APBB2: variants seen among roughly 807,000 people sequenced by gnomAD.
The protein encoded by APBB2 is amyloid beta precursor protein binding family B member 2.
Under a neutral mutation model 82.5 loss-of-function variants are expected in APBB2, and 38 were observed. That is an observed-to-expected ratio of 0.46 (90% CI 0.36 to 0.60). The LOEUF (loss-of-function observed/expected upper bound fraction) is 0.60, where lower values mean the gene tolerates loss of function less well. Ranked by LOEUF, APBB2 falls within the 20% of genes least tolerant of loss-of-function variation. The pLI is 0.00. For synonymous variants in APBB2, 341 were observed against 368.2 expected (o/e 0.93, Z 0.85); for missense variants, 772 against 972.3 (o/e 0.79, Z 2.74).
intron 5 of APBB2, 96 bp from the exon 6 acceptor site, chr4:41,014,494 A>C: frequency 1.8e-6 from 2 of 1,127,298 alleles, no homozygotes; most frequent in Non-Finnish European, 2.6e-6. Context: ...AAAAGAAGAA[A>C]TGCTTCCACT....
In APBB2 at chr4:40,860,776, C is replaced by T. The variant is rs144118235; in HGVS notation, c.1529+29588G>A. 1.6e-3 allele frequency among the ~76,000 whole-genome samples: 244 copies of T among 152,256 alleles called. 2 individuals carry two copies. The East Asian group carries it at 0.022, about 14-fold the overall frequency. Reference sequence around the variant, plus strand: ...CCACTATTGATTAAATTTAATGTTACTATTTTTTAACCGATTTTTTTATAT... The same window carrying T: ...CCACTATTGATTAAATTTAATGTTATTATTTTTTAACCGATTTTTTTATAT... On this transcript the variant is annotated intron_variant, in intron 12 of 17. Coordinates refer to ENST00000508593, the MANE Select transcript of APBB2 (RefSeq NM_004307.2).
intron 10 of APBB2, among the ~76,000 whole-genome samples, chr4:40,918,572 C>G (rs1330663840): frequency 6.6e-6 from 1 of 152,208 alleles, no homozygotes; most frequent in Non-Finnish European, 1.5e-5. Context: ...GTCACTCTCT[C>G]AATAACAACA....
At chr4:40,840,091 C>A (rs1163272734) in intron 12 of APBB2, among the ~76,000 whole-genome samples, 1 of 152,196 alleles carries the variant, frequency 6.6e-6, no homozygotes, top group African/African-American at 2.4e-5. Context: ...AGGGCAGGTC[C>A]CATCTGCAAA....
At chr4:41,044,470 T>C (rs145050450) in intron 4 of APBB2, among the ~76,000 whole-genome samples, 1 of 152,220 alleles carries the variant, frequency 6.6e-6, no homozygotes, top group African/African-American at 2.4e-5. Flanking sequence ...TCATCTTACA[T>C]CTTTCCAGTT....
chr4:41,059,529 C>T (rs1018738466), intron 4 of APBB2, among the ~76,000 whole-genome samples: 13 of 152,252 alleles, frequency 8.5e-5, no homozygotes, highest in Admixed American at 2.0e-4. Flanking sequence ...CGAATGAGGG[C>T]AAGGAACACC....
chr4:41,170,886 T>G (rs1428233969), intron 1 of APBB2, among the ~76,000 whole-genome samples: 1 of 152,170 alleles, frequency 6.6e-6, no homozygotes, highest in African/African-American at 2.4e-5. Flanking sequence ...AATGAAAAAT[T>G]GAAAACTATA....
chr4:40,945,000 A>G lies in APBB2; in HGVS notation c.909T>C (p.Ile303=), dbSNP rs2154380593. Residue 303 remains isoleucine, a synonymous_variant, in exon 7 of 18, where the codon ATT becomes ATC. Transcript: ENST00000508593. The stretch of plus-strand genomic sequence containing the variant: ...GGATGTGCCAATAATAGGTCCCGGC[A>G]ATGTCACTGACTCTTTTCCAGCCAG... The part of the protein sequence containing the change: ...LPPGWKRVSD[I]AGTYYWHIPT... 1 of 1,607,058 alleles carries G rather than the reference A, an allele frequency of 6.2e-7. No homozygotes were observed. The highest frequency in any genetic ancestry group is 1.1e-5 in the South Asian group (1 of 90,868).
intron 3 of APBB2, among the ~76,000 whole-genome samples, chr4:41,082,013 AG>A (rs1490605549): frequency 2.0e-5 from 3 of 152,218 alleles, no homozygotes; most frequent in African/African-American, 7.2e-5. Context: ...TACTGGCAAC[AG>A]GGAACTTAGT....
chr4:40,913,944 T>TGTTATTG, intron 10 of APBB2, among the ~76,000 whole-genome samples: 1 of 151,994 alleles, frequency 6.6e-6, no homozygotes, highest in Admixed American at 6.6e-5. Context: ...TAACATACAC[T>TGTTATTG]AAATAAGGGG....
intron 3 of APBB2, among the ~76,000 whole-genome samples, chr4:41,079,946 G>C (rs1736996421): frequency 6.6e-6 from 1 of 152,206 alleles, no homozygotes; most frequent in African/African-American, 2.4e-5. Flanking sequence ...GGAAATGTAA[G>C]CAGCTTGTGA....
intron 4 of APBB2, among the ~76,000 whole-genome samples, chr4:41,039,194 C>T (rs1284557542): frequency 6.6e-6 from 1 of 152,120 alleles, no homozygotes; most frequent in Non-Finnish European, 1.5e-5. Context: ...AAAAGCTTTG[C>T]AGAATAAGAC....
chr4:41,004,265 C>T (rs531912084), intron 6 of APBB2, among the ~76,000 whole-genome samples: 9 of 152,228 alleles, frequency 5.9e-5, no homozygotes, highest in Non-Finnish European at 4.4e-5. Flanking sequence ...TAATTTGTTA[C>T]ACCAGCCGTA....
intron 10 of APBB2, among the ~76,000 whole-genome samples, chr4:40,906,590 C>T (rs747834282): frequency 3.3e-5 from 5 of 151,894 alleles, no homozygotes; most frequent in Non-Finnish European, 7.4e-5. Context: ...CCATTTCCAG[C>T]GCTCTGATGT....
chr4:40,855,108 G>C (rs950608803), intron 12 of APBB2, among the ~76,000 whole-genome samples: 1 of 152,150 alleles, frequency 6.6e-6, no homozygotes, highest in Non-Finnish European at 1.5e-5. Context: ...CTCGTTGTTT[G>C]CGCCTACTGC....
intron 1 of APBB2, among the ~76,000 whole-genome samples, chr4:41,180,661 C>T (rs944814370): frequency 6.6e-6 from 1 of 151,990 alleles, no homozygotes; most frequent in African/African-American, 2.4e-5. Context: ...AACAAAAAAA[C>T]AAAAACTACT....
intron 2 of APBB2, among the ~76,000 whole-genome samples, chr4:41,126,064 A>G (rs1754290681): frequency 6.6e-6 from 1 of 152,106 alleles, no homozygotes; most frequent in African/African-American, 2.4e-5. Context: ...AAATGCTGAC[A>G]AGGTATGCAG....
intron 2 of APBB2, among the ~76,000 whole-genome samples, chr4:41,105,342 A>AC (rs1746799703): frequency 3.3e-5 from 5 of 152,174 alleles, no homozygotes; most frequent in African/African-American, 1.2e-4. Context: ...CCAAATTACT[A>AC]CATGTTTTGT....
At chr4:40,847,808 C>CTTT (rs530566684) in intron 12 of APBB2, among the ~76,000 whole-genome samples, 1 of 141,266 alleles carries the variant, frequency 7.1e-6, no homozygotes, top group Non-Finnish European at 1.6e-5. Context: ...TTTTTGCTTG[C>CTTT]TTTTTTTTTT....
rs1199443536 is a variant in APBB2 at position 40,812,298 on chromosome 4, G to A, written c.*3794C>T. The A allele has an allele frequency of 1.3e-5, 2 of 152,148 alleles. No homozygotes were observed. The highest frequency in any genetic ancestry group is 2.4e-5 in the African/African-American group (1 of 41,422). The allele number at this position is 152,148 out of a possible 1,614,324, so 9.4% of individuals were successfully genotyped here. A position where few individuals can be genotyped will look rare whatever the true frequency, so the allele number is the denominator to read the frequency against. On this transcript the variant is annotated 3_prime_UTR_variant, in exon 18 of 18. Coordinates refer to ENST00000508593, the MANE Select transcript of APBB2 (RefSeq NM_004307.2). ...GACTAAGATGTCAGATAAATGAGCC[G>A]AACGTTTTATGCAGCTAAATTTATT... is the stretch of plus-strand genomic sequence containing the variant.
Sources: allele counts gnomAD v4.1 joint callset (sites outside exome capture counted in the v4.1 genomes callset), GRCh38; gene constraint gnomAD v4.1.1; transcripts MANE v1.5; gene names NCBI Gene and HGNC (gene_info 2026-07-23, HGNC 2026-07-21).